Variants in AP2A1 observed in about 807,000 individuals in gnomAD.
AP2A1 encodes adaptor related protein complex 2 subunit alpha 1.
AP2A1 carries 21 observed loss-of-function variants against 107.3 expected under a neutral mutation model. The ratio of observed to expected loss-of-function variants is 0.20; its 90% CI spans 0.14 to 0.28. The LOEUF (loss-of-function observed/expected upper bound fraction) is 0.28, where lower values mean the gene tolerates loss of function less well. AP2A1 is among the 10% of genes least tolerant of loss of function. AP2A1 has a pLI of 1.00. For missense variants in AP2A1, 873 were observed against 1,307.7 expected, an observed-to-expected ratio of 0.67 and a Z score of 5.13; for synonymous variants, 602 against 564.8, an observed-to-expected ratio of 1.07 and a Z score of -0.93.
chr19:49,784,878 C>CA (rs996933275), intron 4 of AP2A1, among the ~76,000 whole-genome samples: 15 of 151,498 alleles, frequency 9.9e-5, no homozygotes, highest in African/African-American at 3.4e-4. Flanking sequence ...AACAAACAAA[C>CA]AAAAAAAACC....
chr19:49,793,744 AAC>A lies in AP2A1; in HGVS notation c.705+656_705+657del, dbSNP rs1444887085. 9.2e-5 allele frequency among the ~76,000 whole-genome samples: 14 copies of A among 152,118 alleles called. No homozygotes were observed. In the South Asian group the frequency reaches 2.5e-3, roughly 27 times the overall value. ...GATAGGTCACCCATAGGAGGCACTT[AAC>A]ACAGCCTGTGAGTCCACGAAGGCTT... is the stretch of plus-strand genomic sequence containing the variant. On this transcript the variant is annotated intron_variant, in intron 6 of 22. Coordinates refer to ENST00000354293, the MANE Select transcript of AP2A1 (RefSeq NM_130787.3).
chr19:49,772,246 G>GTTTTGTTT (rs2084567093), intron 1 of AP2A1, among the ~76,000 whole-genome samples: 1 of 56,154 alleles, frequency 1.8e-5, no homozygotes, highest in African/African-American at 6.9e-5. Flanking sequence ...TTTTCATAGA[G>GTTTTGTTT]TTTTTTTTTT....
intron 3 of AP2A1, 87 bp from the exon 4 acceptor site, chr19:49,782,444 T>C (rs2084688806): frequency 7.2e-7 from 1 of 1,393,248 alleles, no homozygotes. Context: ...AGGTTGAATC[T>C]GGGGCCTGGA....
Position 49,805,481 on chromosome 19 carries a change from G to GGCGCAGGTGGACGGCGGC in AP2A1, c.2383_2400dup (p.Asp795_Val800dup). On this transcript the variant is annotated inframe_insertion, in exon 19 of 23. Coordinates refer to ENST00000354293, the MANE Select transcript of AP2A1 (RefSeq NM_130787.3). ...TGGCTGTGCAGACCAAGCGCGTGGC[G>GGCGCAGGTGGACGGCGGC]GCGCAGGTGGACGGCGGCGCGCAGG... is the stretch of plus-strand genomic sequence containing the variant. 1 of 1,552,178 alleles carries GGCGCAGGTGGACGGCGGC rather than the reference G, an allele frequency of 6.4e-7. No individual in the cohort carries two copies. Among genetic ancestry groups the GGCGCAGGTGGACGGCGGC allele is most frequent in the Non-Finnish European group, 8.7e-7 (1 of 1,147,932 alleles).
At chr19:49,805,398 A>T in intron 18 of AP2A1, 55 bp from the exon 19 acceptor site, 2 of 1,479,330 alleles carry the variant, frequency 1.4e-6, no homozygotes, top group Non-Finnish European at 1.8e-6. Context: ...TTCCTGACCC[A>T]GACCTCCCGG....
chr19:49,790,065 A>C (rs1213332697), intron 4 of AP2A1, among the ~76,000 whole-genome samples: 1 of 152,204 alleles, frequency 6.6e-6, no homozygotes, highest in Non-Finnish European at 1.5e-5. Flanking sequence ...CCACCAGCAC[A>C]GCGGTGTCAA....
At chr19:49,795,992 G>C (rs1040684974) in intron 7 of AP2A1, 16 of 507,920 alleles carry the variant, frequency 3.2e-5, no homozygotes, top group African/African-American at 1.9e-5. Flanking sequence ...TCTCACTCCA[G>C]CCCTGTTGCG....
intron 1 of AP2A1, among the ~76,000 whole-genome samples, chr19:49,777,149 C>T (rs1027646578): frequency 6.6e-6 from 1 of 150,466 alleles, no homozygotes; most frequent in Non-Finnish European, 1.5e-5. Flanking sequence ...GTAGGAGAAT[C>T]GCTTGAACCT....
At chr19:49,778,491 G>A (rs866940419) in intron 1 of AP2A1, among the ~76,000 whole-genome samples, 4 of 152,328 alleles carry the variant, frequency 2.6e-5, no homozygotes, top group Middle Eastern at 6.8e-3. Context: ...GCTGAGGTAG[G>A]AGAATCACTT....
intron 1 of AP2A1, among the ~76,000 whole-genome samples, chr19:49,777,822 G>C (rs1412262935): frequency 8.6e-6 from 1 of 115,974 alleles, no homozygotes; most frequent in Non-Finnish European, 2.0e-5. Flanking sequence ...CAGCTACCTG[G>C]GAGGCTGAGA....
At chr19:49,769,961 C>A (rs2084540788) in intron 1 of AP2A1, among the ~76,000 whole-genome samples, 1 of 152,074 alleles carries the variant, frequency 6.6e-6, no homozygotes, top group Non-Finnish European at 1.5e-5. Context: ...CTCCGCCTCC[C>A]AGGTTCAAGC....
Position 49,798,799 on chromosome 19 carries a change from C to T in AP2A1, c.815-3C>T. ...GCCGGGGGCGTCCCCTTCGTTTCCC[C>T]AGAGGATGCGGCTGTGAAGGGGCGG... On this transcript the variant is annotated splice_region_variant and splice_polypyrimidine_tract_variant and intron_variant, in intron 7 of 22. Transcript: ENST00000354293. 6.2e-7 allele frequency: 1 copy of T among 1,603,922 alleles called. No individual in the cohort carries two copies. The highest frequency in any genetic ancestry group is 2.2e-5 in the East Asian group (1 of 44,450).
rs778547986 is a variant in AP2A1 at position 49,800,069 on chromosome 19, T to C, written c.1374T>C (p.Ser458=). The C allele has an allele frequency of 6.8e-6, 11 of 1,613,774 alleles. No individual in the cohort carries two copies. The highest frequency in any genetic ancestry group is 1.3e-5 in the African/African-American group (1 of 74,892). ...NLIRIAGDYV[S]EEVWYRVLQI... is the part of the protein sequence containing the mutation. ...TCCGCATTGCGGGCGACTACGTGAG[T>C]GAGGAGGTGTGGTACCGTGTGCTAC... Residue 458 remains serine, a synonymous_variant, in exon 11 of 23, where the codon AGT becomes AGC. Transcript: ENST00000354293.
At chr19:49,772,763 G>A (rs1274229939) in intron 1 of AP2A1, among the ~76,000 whole-genome samples, 2 of 151,812 alleles carry the variant, frequency 1.3e-5, no homozygotes, top group African/African-American at 4.8e-5. Context: ...GCCTCCCAAA[G>A]TGCTGGGATT....
At chr19:49,798,293 C>G (rs1272508461) in intron 7 of AP2A1, among the ~76,000 whole-genome samples, 2 of 152,140 alleles carry the variant, frequency 1.3e-5, no homozygotes, top group East Asian at 3.9e-4. Flanking sequence ...CTTTGGCCTC[C>G]CAGCCTCTAG....
At chr19:49,799,577 C>T (rs918956811) in intron 9 of AP2A1, 52 bp from the exon 10 acceptor site, 3 of 1,600,036 alleles carry the variant, frequency 1.9e-6, no homozygotes, top group African/African-American at 1.3e-5. Context: ...GTGGCCAACC[C>T]TGTGCCAACA....
At position 49,799,090 on chromosome 19, in the gene AP2A1, T is replaced by C; in HGVS notation, c.965+138T>C. 2.3e-6 allele frequency: 3 copies of C among 1,299,732 alleles called. No homozygotes were observed. In the South Asian group the frequency reaches 4.5e-5, roughly 19 times the overall value. 80.5% of individuals were successfully genotyped at this position (1,299,732 alleles called of 1,614,324 possible). On this transcript the variant is annotated intron_variant, in intron 8 of 22. Coordinates refer to ENST00000354293, the MANE Select transcript of AP2A1 (RefSeq NM_130787.3). Reference sequence around the variant, plus strand: ...GTAGGAGGAGGATGGGGCTGTGAAGTGTCACCTGTGAGGTTGGTGCTGGGG... The same window carrying C: ...GTAGGAGGAGGATGGGGCTGTGAAGCGTCACCTGTGAGGTTGGTGCTGGGG...
intron 1 of AP2A1, among the ~76,000 whole-genome samples, chr19:49,768,859 G>A (rs1210414306): frequency 1.3e-5 from 2 of 152,086 alleles, no homozygotes; most frequent in Non-Finnish European, 2.9e-5. Flanking sequence ...GCCTCTGAAG[G>A]CTCATTTATT....
At position 49,788,521 on chromosome 19, in the gene AP2A1, C is replaced by T. The variant is rs116436743; in HGVS notation, c.474-3414C>T. 0.018 allele frequency among the ~76,000 whole-genome samples: 2,651 copies of T among 148,762 alleles called. 72 individuals are homozygous for T. Among genetic ancestry groups the T allele is most frequent in the African/African-American group, 0.063 (2,503 of 40,034 alleles). On this transcript the variant is annotated intron_variant, in intron 4 of 22. Transcript: ENST00000354293. This position sits in a 1 kb window ranked among gnomAD's most constrained non-coding sequence, Gnocchi z 4.5. ...GCGCTGTGGCTCAGGAGATGTGTGCCGTGGCAGCGATGGGAAAGTGGCCCA... is the reference window on the plus strand; with the variant it reads ...GCGCTGTGGCTCAGGAGATGTGTGCTGTGGCAGCGATGGGAAAGTGGCCCA...
Sources: gnomAD v4.1 joint callset for allele counts (sites outside exome capture counted in the v4.1 genomes callset) on GRCh38, gnomAD v4.1.1 for gene constraint, Gnocchi (gnomAD v3.1) non-coding constraint, MANE v1.5 for transcripts, NCBI Gene and HGNC (gene_info 2026-07-23, HGNC 2026-07-21) for gene names.